CDK19: variants seen among roughly 807,000 people sequenced by gnomAD.
CDK19 encodes cyclin-dependent kinase 19.
A neutral mutation model predicts 68.3 loss-of-function variants in CDK19; 20 were observed. The ratio of observed to expected loss-of-function variants is 0.29; its 90% CI spans 0.21 to 0.43. The LOEUF is 0.43. Ranked by LOEUF, CDK19 falls within the 20% of genes least tolerant of loss-of-function variation. The probability of loss-of-function intolerance (pLI) is 1.00; values close to 1 mark genes in which losing one functional copy is unlikely to be tolerated. For missense variants in CDK19, 339 were observed against 623.5 expected (o/e 0.54, Z 4.86); for synonymous variants, 221 against 222.8 (o/e 0.99, Z 0.07).
intron 2 of CDK19, among the ~76,000 whole-genome samples, chr6:110,701,944 C>A (rs1459314772): frequency 6.6e-6 from 1 of 151,460 alleles, no homozygotes; most frequent in Non-Finnish European, 1.5e-5. Context: ...AGTTCGAGAC[C>A]AGCTTGGCTA....
intron 1 of CDK19, among the ~76,000 whole-genome samples, chr6:110,779,960 C>T (rs1284893543): frequency 1.3e-5 from 2 of 152,088 alleles, no homozygotes; most frequent in African/African-American, 4.8e-5. Context: ...TGGCTCACAC[C>T]TGTAATCCCA....
chr6:110,779,278 G>A (rs1255462752), intron 1 of CDK19, among the ~76,000 whole-genome samples: 1 of 152,058 alleles, frequency 6.6e-6, no homozygotes, highest in African/African-American at 2.4e-5. Flanking sequence ...GGGAATAAAT[G>A]CCTTTCCCCA....
chr6:110,781,821 G>A (rs762041112), intron 1 of CDK19, among the ~76,000 whole-genome samples: 1 of 150,452 alleles, frequency 6.6e-6, no homozygotes, highest in Non-Finnish European at 1.5e-5. Flanking sequence ...AGGTGACAAC[G>A]TGAGACCCTG....
intron 4 of CDK19, chr6:110,646,565 C>T: frequency 1.0e-6 from 1 of 1,000,982 alleles, no homozygotes; most frequent in Non-Finnish European, 1.4e-6. Flanking sequence ...CTGAGTACGG[C>T]CACCTGCAGG....
chr6:110,730,167 G>A (rs1441469845), intron 2 of CDK19, among the ~76,000 whole-genome samples: 5 of 152,080 alleles, frequency 3.3e-5, no homozygotes, highest in Admixed American at 6.5e-5. Flanking sequence ...TGGAGAGTAG[G>A]GAAGAATTTT....
At chr6:110,790,797 A>T (rs886355816) in intron 1 of CDK19, among the ~76,000 whole-genome samples, 1 of 152,230 alleles carries the variant, frequency 6.6e-6, no homozygotes, top group Admixed American at 6.5e-5. Flanking sequence ...ATAATAATAA[A>T]AAGTTATAAA....
At chr6:110,763,198 C>A (rs922060999) in intron 1 of CDK19, among the ~76,000 whole-genome samples, 1 of 152,128 alleles carries the variant, frequency 6.6e-6, no homozygotes, top group Non-Finnish European at 1.5e-5. Flanking sequence ...TCCATTTAAT[C>A]CCATCTTTCT....
chr6:110,724,401 G>C (rs1351510928), intron 2 of CDK19, among the ~76,000 whole-genome samples: 2 of 152,036 alleles, frequency 1.3e-5, no homozygotes, highest in Admixed American at 1.3e-4. Flanking sequence ...TGGTAAGGGA[G>C]TATGACTGAC....
At chr6:110,661,446 AT>A (rs1316933808) in intron 4 of CDK19, among the ~76,000 whole-genome samples, 5 of 94,554 alleles carry the variant, frequency 5.3e-5, no homozygotes, top group South Asian at 4.7e-4. Flanking sequence ...TTTCTTTTTT[AT>A]TTTATTTATT....
At chr6:110,740,635 ATCC>A (rs1777586826) in intron 2 of CDK19, among the ~76,000 whole-genome samples, 2 of 152,188 alleles carry the variant, frequency 1.3e-5, no homozygotes, top group African/African-American at 4.8e-5. Context: ...ATCCCACTAT[ATCC>A]TCAACAGTTA....
At chr6:110,712,537 A>G (rs1285688500) in intron 2 of CDK19, among the ~76,000 whole-genome samples, 1 of 152,234 alleles carries the variant, frequency 6.6e-6, no homozygotes, top group African/African-American at 2.4e-5. Flanking sequence ...GGATTTCACA[A>G]AAGAAGTCTG....
intron 1 of CDK19, among the ~76,000 whole-genome samples, chr6:110,771,728 T>C (rs1443223239): frequency 6.6e-6 from 1 of 152,250 alleles, no homozygotes; most frequent in Non-Finnish European, 1.5e-5. Flanking sequence ...TAAAACTGAA[T>C]GCCTTTAACA....
intron 1 of CDK19, chr6:110,814,793 G>C (rs866086589): frequency 6.4e-5 from 44 of 684,318 alleles, no homozygotes; most frequent in African/African-American, 6.3e-4. Flanking sequence ...GCCTCGGACC[G>C]GGCTGCGCCG....
chr6:110,737,451 G>A (rs1777327645), intron 2 of CDK19, among the ~76,000 whole-genome samples: 1 of 152,078 alleles, frequency 6.6e-6, no homozygotes, highest in Admixed American at 6.6e-5. Flanking sequence ...AAACATAGTA[G>A]CTTGAAAAAT....
chr6:110,752,780 C>T (rs1444771479), intron 1 of CDK19, among the ~76,000 whole-genome samples: 1 of 152,204 alleles, frequency 6.6e-6, no homozygotes, highest in African/African-American at 2.4e-5. Flanking sequence ...GTTGCCCAAG[C>T]TGGTCCCAAA....
intron 2 of CDK19, among the ~76,000 whole-genome samples, chr6:110,717,549 T>C (rs2114722970): frequency 6.6e-6 from 1 of 152,346 alleles, no homozygotes; most frequent in East Asian, 1.9e-4. Flanking sequence ...ATTTTCTTTA[T>C]TTCCCTCATT....
chr6:110,699,749 C>T (rs1183479401), intron 2 of CDK19, among the ~76,000 whole-genome samples: 2 of 152,088 alleles, frequency 1.3e-5, no homozygotes, highest in Non-Finnish European at 2.9e-5. Flanking sequence ...AAATATAATA[C>T]ACAAGAAAAG....
At chr6:110,698,689 AG>A (rs1376072212) in intron 2 of CDK19, among the ~76,000 whole-genome samples, 1 of 152,196 alleles carries the variant, frequency 6.6e-6, no homozygotes, top group African/African-American at 2.4e-5. Flanking sequence ...ATTATATCAA[AG>A]GCAGCTGCAT....
chr6:110,632,270 G>A (rs1779486821), intron 5 of CDK19, 109 bp from the exon 6 acceptor site: 1 of 785,736 alleles, frequency 1.3e-6, no homozygotes, highest in Non-Finnish European at 2.0e-6. Flanking sequence ...ACCATGCAAG[G>A]TTGACAACAA....
Sources: gnomAD v4.1 joint callset for allele counts (sites outside exome capture counted in the v4.1 genomes callset) on GRCh38, gnomAD v4.1.1 for gene constraint, MANE v1.5 for transcripts, NCBI Gene and HGNC (gene_info 2026-07-23, HGNC 2026-07-21) for gene names.